RANBP17: variants seen among roughly 807,000 people sequenced by gnomAD.
RANBP17 encodes RAN binding protein 17, also known as ran-binding protein 17.
In RANBP17, 158 loss-of-function variants were observed where a neutral mutation model predicts 141.2. The observed-to-expected ratio is 1.12, with a 90% confidence interval of 0.98 to 1.28. The LOEUF (loss-of-function observed/expected upper bound fraction) is 1.28, where lower values mean the gene tolerates loss of function less well. Ranked by LOEUF, RANBP17 falls within the 50% of genes most tolerant of loss-of-function variation. RANBP17 has a pLI of 0.00. For missense variants in RANBP17, 1,438 were observed against 1,290.7 expected, an observed-to-expected ratio of 1.11 and a Z score of -1.75; for synonymous variants, 430 against 450.0, an observed-to-expected ratio of 0.96 and a Z score of 0.56.
chr5:171,084,712 GTGA>G (rs1310201835), intron 14 of RANBP17, among the ~76,000 whole-genome samples: 1 of 35,388 alleles, frequency 2.8e-5, no homozygotes, highest in African/African-American at 8.7e-5. Context: ...CTGATGGCCA[GTGA>G]TGATGAGCAT....
At chr5:170,909,147 A>G (rs1382562621) in intron 5 of RANBP17, among the ~76,000 whole-genome samples, 1 of 151,932 alleles carries the variant, frequency 6.6e-6, no homozygotes, top group Non-Finnish European at 1.5e-5. Flanking sequence ...ACTATTGCTT[A>G]TATAAGAAAT....
chr5:171,148,615 T>TAG (rs200432634), intron 14 of RANBP17, among the ~76,000 whole-genome samples: 7,106 of 147,734 alleles, frequency 0.048, 266 homozygotes, highest in East Asian at 0.11. Context: ...TATATATATA[T>TAG]AGAGAGAGAG....
chr5:171,183,596 G>T (rs1472537234), intron 18 of RANBP17, among the ~76,000 whole-genome samples, 166 bp downstream of exon 18: 1 of 152,166 alleles, frequency 6.6e-6, no homozygotes, highest in Non-Finnish European at 1.5e-5. Flanking sequence ...TAGCATTAGA[G>T]CCAAAAGACA....
In RANBP17 at chr5:171,293,897, C is replaced by T. The variant is rs771756109; in HGVS notation, c.2958C>T (p.Leu986=). The change falls in exon 26 of 28, where the codon CTC becomes CTT. Residue 986 remains leucine, a synonymous_variant. Transcript: ENST00000523189. ...CTATCTTCTAGATGATGTCTGTCCT[C>T]ATGAACACCATTGTCTTTGAAGACT... is the stretch of plus-strand genomic sequence containing the variant. ...PDVLQQMMSV[L]MNTIVFEDCR... The T allele has an allele frequency of 3.1e-6, 5 of 1,613,100 alleles. No homozygotes were observed. Among genetic ancestry groups the T allele is most frequent in the African/African-American group, 1.3e-5 (1 of 74,908 alleles).
intron 14 of RANBP17, among the ~76,000 whole-genome samples, chr5:170,973,823 G>T (rs1297902535): frequency 6.6e-6 from 1 of 152,256 alleles, no homozygotes; most frequent in Admixed American, 6.5e-5. Flanking sequence ...AGTTGGTGCC[G>T]TCTCTCTGTG....
intron 24 of RANBP17, among the ~76,000 whole-genome samples, chr5:171,246,108 T>C (rs1405549141): frequency 3.3e-5 from 5 of 152,238 alleles, no homozygotes; most frequent in Non-Finnish European, 7.4e-5. Flanking sequence ...CTCAAACTCC[T>C]GACCTCAAGT....
At chr5:170,997,696 C>G (rs1778910045) in intron 14 of RANBP17, among the ~76,000 whole-genome samples, 1 of 152,140 alleles carries the variant, frequency 6.6e-6, no homozygotes. Context: ...TATGAACAGA[C>G]TCACATCTAT....
In RANBP17 at chr5:170,891,368, G is replaced by C. The variant is rs141643768; in HGVS notation, c.257-1019G>C. 3.0e-4 allele frequency among the ~76,000 whole-genome samples: 45 copies of C among 152,274 alleles called. No homozygotes were observed. In the Middle Eastern group the frequency reaches 0.01, roughly 35 times the overall value. On this transcript the variant is annotated intron_variant, in intron 3 of 27. Coordinates refer to ENST00000523189, the MANE Select transcript of RANBP17 (RefSeq NM_022897.5). ...TGTGAGTTATTGTAAAGTGGTGAAA[G>C]AAAGATGATCTGAAATAGTATGGAA...
At chr5:171,043,005 A>G (rs1164975600) in intron 14 of RANBP17, among the ~76,000 whole-genome samples, 1 of 152,170 alleles carries the variant, frequency 6.6e-6, no homozygotes, top group East Asian at 1.9e-4. Context: ...CTTCAGAAAA[A>G]AGAGATATAG....
chr5:171,122,780 C>A (rs1756138349), intron 14 of RANBP17, among the ~76,000 whole-genome samples: 1 of 152,230 alleles, frequency 6.6e-6, no homozygotes, highest in African/African-American at 2.4e-5. Flanking sequence ...TCACACCCCT[C>A]CCTGCAAACA....
At chr5:171,188,639 A>T (rs550208677) in intron 18 of RANBP17, among the ~76,000 whole-genome samples, 3 of 152,192 alleles carry the variant, frequency 2.0e-5, no homozygotes, top group South Asian at 2.1e-4. Context: ...TCTGGAGGAG[A>T]GTTTTTAAAA....
At chr5:170,863,535 G>A (rs1766993699) in intron 1 of RANBP17, 1 of 152,160 alleles carries the variant, frequency 6.6e-6, no homozygotes, top group Non-Finnish European at 1.5e-5. Context: ...ATTTCTAAGG[G>A]TCCTCAGGTC....
chr5:171,071,653 CAAAAAA>C (rs34555837), intron 14 of RANBP17, among the ~76,000 whole-genome samples: 1 of 69,646 alleles, frequency 1.4e-5, no homozygotes, highest in East Asian at 5.2e-4. Context: ...CAGCTTTATG[CAAAAAA>C]AAAAAAAAAA....
chr5:170,934,007 A>C (rs1773638576), intron 12 of RANBP17, among the ~76,000 whole-genome samples: 1 of 152,140 alleles, frequency 6.6e-6, no homozygotes, highest in African/African-American at 2.4e-5. Flanking sequence ...TAATGTTGAC[A>C]GTGGGGTTTT....
chr5:170,996,893 C>T (rs1561969286), intron 14 of RANBP17, among the ~76,000 whole-genome samples: 1 of 152,054 alleles, frequency 6.6e-6, no homozygotes, highest in Non-Finnish European at 1.5e-5. Flanking sequence ...ATTTTGACTC[C>T]AAATCTTCAG....
At chr5:171,276,405 A>G (rs1767487179) in intron 25 of RANBP17, among the ~76,000 whole-genome samples, 1 of 152,228 alleles carries the variant, frequency 6.6e-6, no homozygotes, top group African/African-American at 2.4e-5. Context: ...CAAGGAGCTA[A>G]AAGAAAAAAA....
At chr5:171,140,305 G>A (rs934403683) in intron 14 of RANBP17, among the ~76,000 whole-genome samples, 1 of 152,152 alleles carries the variant, frequency 6.6e-6, no homozygotes, top group African/African-American at 2.4e-5. Flanking sequence ...GATCATGTTT[G>A]ATTTTGTCCA....
intron 21 of RANBP17, among the ~76,000 whole-genome samples, chr5:171,217,142 G>A (rs1173189579): frequency 1.3e-5 from 2 of 152,038 alleles, no homozygotes; most frequent in East Asian, 1.9e-4. Context: ...TTTTATCGAA[G>A]GCCTTTTATG....
intron 1 of RANBP17, among the ~76,000 whole-genome samples, chr5:170,871,721 A>G (rs1052286328): frequency 2.6e-5 from 4 of 152,148 alleles, no homozygotes; most frequent in African/African-American, 9.7e-5. Flanking sequence ...GGGCCCAGTT[A>G]CAGTTTTCTG....
Sources: allele counts gnomAD v4.1 joint callset (sites outside exome capture counted in the v4.1 genomes callset), GRCh38; gene constraint gnomAD v4.1.1; transcripts MANE v1.5; gene names NCBI Gene and HGNC (gene_info 2026-07-23, HGNC 2026-07-21).